Variants in UBE2Q1 observed in about 807,000 individuals in gnomAD.
The protein encoded by UBE2Q1 is ubiquitin-conjugating enzyme E2 Q1.
A neutral mutation model predicts 60.1 loss-of-function variants in UBE2Q1; 6 were observed. The observed-to-expected ratio is 0.10, with a 90% confidence interval of 0.05 to 0.20. The LOEUF (loss-of-function observed/expected upper bound fraction) is 0.20. Ranked by LOEUF, UBE2Q1 falls within the 10% of genes least tolerant of loss-of-function variation. The pLI is 1.00. For synonymous variants in UBE2Q1, 226 were observed against 208.3 expected (o/e 1.09, Z -0.73); for missense variants, 262 against 525.8 (o/e 0.50, Z 4.91).
chr1:154,552,494 A>G (rs781604647), intron 6 of UBE2Q1, 30 bp from the exon 7 acceptor site: 18 of 1,613,610 alleles, frequency 1.1e-5, no homozygotes, highest in Non-Finnish European at 1.4e-5. Context: ...AGGTGTTAGT[A>G]GAATGGTCCA....
rs1695855431 is a variant in UBE2Q1 at position 154,554,861 on chromosome 1, G to C, written c.538-76C>G. On this transcript the variant is annotated intron_variant, in intron 3 of 12. Transcript: ENST00000292211. ...AATGCAGCCTCCAACCTACTCCCCT[G>C]AGCCCCCAGGTCTGGAAGTTGTGCG... 5.3e-6 allele frequency: 8 copies of C among 1,509,524 alleles called. No homozygotes were observed. The South Asian group carries it at 9.6e-5, about 18-fold the overall frequency. The allele number at this position is 1,509,524 out of a possible 1,614,324, so 93.5% of individuals were successfully genotyped here.
In UBE2Q1 at chr1:154,553,107, T is replaced by G. The variant is rs1361589333; in HGVS notation, c.654A>C (p.Glu218Asp). The G allele has an allele frequency of 1.2e-6, 2 of 1,614,014 alleles. No homozygotes were observed. The highest frequency in any genetic ancestry group is 4.5e-5 in the East Asian group (2 of 44,884). Residue 218 changes from glutamate to aspartate, a missense_variant, in exon 5 of 13, where the codon GAA becomes GAC. This residue lies in a region of UBE2Q1 where 111 missense variants were observed against 266.8 expected (regional missense o/e 0.42). Transcript: ENST00000292211. ...AGTTTTCTTTTCCAATGCCATCATC[T>G]TCAGATTTCTTGCCCTCAGCTGGCT... ...EEEPAEGKKS[E>D]DDGIGKENLA...
Position 154,554,784 on chromosome 1 carries a change from C to T in UBE2Q1, c.539G>A (p.Cys180Tyr). 3 of 1,613,360 alleles carry T rather than the reference C, an allele frequency of 1.9e-6. No homozygotes were observed. Among genetic ancestry groups the T allele is most frequent in the Non-Finnish European group, 2.5e-6 (3 of 1,179,486 alleles). The change falls in exon 4 of 13, where the codon TGC becomes TAC. Residue 180 changes from cysteine to tyrosine, a missense_variant and splice_region_variant. Physicochemically the swap from Cys to Tyr is radical, Grantham distance 194 (BLOSUM62 -2). This residue lies in a region of UBE2Q1 where 111 missense variants were observed against 266.8 expected (regional missense o/e 0.42). Coordinates refer to ENST00000292211, the MANE Select transcript of UBE2Q1 (RefSeq NM_017582.7). ...MLDQPLPAEQ[C>Y]TQEDVSSEDE... ...TTCTGAAGACACGTCTTCCTGTGTG[C>T]ACTGCAGCAAGGAAGGGAAAGATGG... is the stretch of plus-strand genomic sequence containing the variant.
chr1:154,555,841 T>C lies in UBE2Q1; in HGVS notation c.432+19A>G, dbSNP rs775601714. 3 of 1,610,288 alleles carry C rather than the reference T, an allele frequency of 1.9e-6. No individual in the cohort carries two copies. On this transcript the variant is annotated intron_variant, in intron 2 of 12. Transcript: ENST00000292211. ...GCCTCATAAGAACAAAATGTACCCC[T>C]ACCCTGTGGCCCCCTCACCAGAGTA... is the stretch of plus-strand genomic sequence containing the variant.
chr1:154,558,086 C>A, intron 1 of UBE2Q1, 141 bp downstream of exon 1: 1 of 650,486 alleles, frequency 1.5e-6, no homozygotes. Flanking sequence ...GCAGCAGAAA[C>A]AAATGTAACC....
chr1:154,554,864 C>A, intron 3 of UBE2Q1, 79 bp from the exon 4 acceptor site: 2 of 1,491,968 alleles, frequency 1.3e-6, no homozygotes, highest in East Asian at 2.3e-5. Flanking sequence ...CTCCCCTGAG[C>A]CCCCAGGTCT....
chr1:154,555,814 G>C, intron 2 of UBE2Q1, 46 bp downstream of exon 2: 1 of 1,550,904 alleles, frequency 6.4e-7, no homozygotes, highest in Non-Finnish European at 8.9e-7. Flanking sequence ...TTTGTGGCAT[G>C]GGCCTCATAA....
intron 1 of UBE2Q1, 71 bp downstream of exon 1, chr1:154,558,156 A>G (rs899566590): frequency 8.2e-6 from 11 of 1,334,568 alleles, no homozygotes; most frequent in Admixed American, 2.9e-5. Flanking sequence ...TCGAGAGCAA[A>G]AAGCTGGATG....
rs1262680395 is a variant in UBE2Q1, at chr1:154,555,881, G to A, written c.411C>T (p.Asp137=). ...NLAAVLERLV[D]IKKGNTLLLQ... is the part of the protein sequence containing the mutation. ...TCACCAGAGTATTCCCTTTCTTTAT[G>A]TCCACCAGCCTCTCCAAGACAGCAG... The change falls in exon 2 of 13, where the codon GAC becomes GAT. Residue 137 remains aspartate (D), a synonymous_variant. Transcript: ENST00000292211. 1 of 1,613,836 alleles carries A rather than the reference G, an allele frequency of 6.2e-7. No individual in the cohort carries two copies.
chr1:154,551,822 G>A lies in UBE2Q1; in HGVS notation c.1026-3C>T. ...TGGCCCCTCCGCCCAGAACATACCT[G>A]CATGAGAAAGGTTAGTCAGCTGTGC... is the stretch of plus-strand genomic sequence containing the variant. On this transcript the variant is annotated splice_region_variant and splice_polypyrimidine_tract_variant and intron_variant, in intron 9 of 12. Coordinates refer to ENST00000292211, the MANE Select transcript of UBE2Q1 (RefSeq NM_017582.7). 3 of 1,614,206 alleles carry A rather than the reference G, an allele frequency of 1.9e-6. No homozygotes were observed. Among genetic ancestry groups the A allele is most frequent in the Non-Finnish European group, 2.5e-6 (3 of 1,180,040 alleles).
intron 6 of UBE2Q1, 120 bp from the exon 7 acceptor site, chr1:154,552,584 G>A (rs950698403): frequency 2.8e-6 from 4 of 1,439,440 alleles, no homozygotes; most frequent in Non-Finnish European, 3.8e-6. Context: ...ACCACAGATG[G>A]ACATGCAACC....
In UBE2Q1 at chr1:154,558,504, T is replaced by C. The variant is rs1695934905; in HGVS notation, c.50A>G (p.Gln17Arg). 2 of 1,058,162 alleles carry C rather than the reference T, an allele frequency of 1.9e-6. No homozygotes were observed. The highest frequency in any genetic ancestry group is 2.3e-6 in the Non-Finnish European group (2 of 888,264). 65.5% of individuals were successfully genotyped at this position (1,058,162 alleles called of 1,614,324 possible). ...QGQQQPGPGQ[Q>R]LGGQGAAPGA... Reference sequence around the variant, plus strand: ...CGGCGCCGCCCCCTGGCCCCCCAGCTGCTGCCCCGGCCCCGGCTGCTGCTG... The same window carrying C: ...CGGCGCCGCCCCCTGGCCCCCCAGCCGCTGCCCCGGCCCCGGCTGCTGCTG... Residue 17 changes from glutamine to arginine, a missense_variant, in exon 1 of 13, where the codon CAG becomes CGG. Around this residue, in one of 5 missense-constraint regions of UBE2Q1, gnomAD observed 70 missense variants for 56.7 expected, o/e 1.24. Transcript: ENST00000292211.
intron 4 of UBE2Q1, among the ~76,000 whole-genome samples, chr1:154,553,905 C>T (rs780558199): frequency 1.5e-4 from 23 of 152,170 alleles, no homozygotes; most frequent in Non-Finnish European, 3.2e-4. Context: ...AATTTCATGT[C>T]GTCAGCCCTT....
chr1:154,551,478 G>A lies in UBE2Q1; in HGVS notation c.1089C>T (p.Ala363=). Reference sequence around the variant, plus strand: ...GCATGATCACTGACTCTATGGAGTAGGCACTGCTCCAGCCCTGGGTGAAGG... The same window carrying A: ...GCATGATCACTGACTCTATGGAGTAAGCACTGCTCCAGCCCTGGGTGAAGG... ...ELLTKQGWSS[A]YSIESVIMQI... The change falls in exon 11 of 13, where the codon GCC becomes GCT. Residue 363 remains alanine, a synonymous_variant. Transcript: ENST00000292211. 1 of 1,614,172 alleles carries A rather than the reference G, an allele frequency of 6.2e-7. No homozygotes were observed. The highest frequency in any genetic ancestry group is 2.2e-5 in the East Asian group (1 of 44,884).
chr1:154,551,082 C>T (rs1695783637), intron 11 of UBE2Q1, 78 bp from the exon 12 acceptor site: 2 of 1,524,430 alleles, frequency 1.3e-6, no homozygotes, highest in African/African-American at 1.4e-5. Context: ...GGCTGTCACC[C>T]AGAGACCCCA....
intron 2 of UBE2Q1, 52 bp downstream of exon 2, chr1:154,555,807 GT>G: frequency 6.6e-7 from 1 of 1,520,014 alleles, no homozygotes; most frequent in African/African-American, 1.4e-5. Flanking sequence ...GGATGCCTTT[GT>G]GGCATGGGCC....
At position 154,550,424 on chromosome 1, in the gene UBE2Q1, G is replaced by A. The variant is rs1557844208; in HGVS notation, c.*14C>T. 1.1e-5 allele frequency: 18 copies of A among 1,614,178 alleles called. No homozygotes were observed. The highest frequency in any genetic ancestry group is 1.5e-5 in the Non-Finnish European group (18 of 1,180,018). On this transcript the variant is annotated 3_prime_UTR_variant, in exon 13 of 13. Transcript: ENST00000292211. Reference sequence around the variant, plus strand: ...AGTGGTGCCTGGGGAGGGAGGAAGGGTGATACTCCAGGGTTAGCCGTCTTC... The same window carrying A: ...AGTGGTGCCTGGGGAGGGAGGAAGGATGATACTCCAGGGTTAGCCGTCTTC...
In UBE2Q1 at chr1:154,555,890, C is replaced by T. The variant is rs1695876351; in HGVS notation, c.402G>A (p.Arg134=). The T allele has an allele frequency of 3.1e-6, 5 of 1,614,040 alleles. No individual in the cohort carries two copies. The highest frequency in any genetic ancestry group is 1.3e-5 in the African/African-American group (1 of 74,898). The change falls in exon 2 of 13, where the codon AGG becomes AGA. Residue 134 remains arginine (R), a synonymous_variant. Coordinates refer to ENST00000292211, the MANE Select transcript of UBE2Q1 (RefSeq NM_017582.7). Reference sequence around the variant, plus strand: ...TATTCCCTTTCTTTATGTCCACCAGCCTCTCCAAGACAGCAGCCAAGTTAG... The same window carrying T: ...TATTCCCTTTCTTTATGTCCACCAGTCTCTCCAAGACAGCAGCCAAGTTAG... ...DDPNLAAVLE[R]LVDIKKGNTL... is the part of the protein sequence containing the mutation.
chr1:154,557,478 G>C (rs1695912933), intron 1 of UBE2Q1, among the ~76,000 whole-genome samples: 1 of 152,176 alleles, frequency 6.6e-6, no homozygotes, highest in South Asian at 2.1e-4. Flanking sequence ...GGGGAGAAAT[G>C]CAACTGTTAC....
Sources: gnomAD v4.1 joint callset for allele counts (sites outside exome capture counted in the v4.1 genomes callset) on GRCh38, gnomAD v4.1.1 for gene constraint, gnomAD v4.1.1 regional missense constraint, MANE v1.5 for transcripts, NCBI Gene and HGNC (gene_info 2026-07-23, HGNC 2026-07-21) for gene names.